EPG5: variants seen among roughly 807,000 people sequenced by gnomAD.
EPG5 encodes ectopic P granules protein 5 homolog.
In EPG5, 159 loss-of-function variants were observed where a neutral mutation model predicts 302.7. The observed-to-expected ratio is 0.53, with a 90% confidence interval of 0.46 to 0.60. The LOEUF is 0.60. Among genes scored for constraint, EPG5 ranks in the 20% least tolerant of loss-of-function variants. The probability of loss-of-function intolerance (pLI) is 0.00; values close to 1 mark genes in which losing one functional copy is unlikely to be tolerated. For missense variants in EPG5, 2,896 were observed against 3,092.4 expected (o/e 0.94, Z 1.51); for synonymous variants, 1,158 against 1,136.8 (o/e 1.02, Z -0.37).
chr18:45,935,011 AC>A, intron 10 of EPG5, 45 bp from the exon 11 acceptor site: 1 of 1,546,968 alleles, frequency 6.5e-7, no homozygotes, highest in Non-Finnish European at 8.7e-7. Context: ...CAGCTTCATT[AC>A]ACTAAGAAAG....
In EPG5 at chr18:45,849,328, G is replaced by A. The variant is rs1438019061; in HGVS notation, c.*3139C>T. On this transcript the variant is annotated 3_prime_UTR_variant, in exon 44 of 44. Transcript: ENST00000282041. Reference sequence around the variant, plus strand: ...TACAGAGCCTGCGGATGGCAGCCTAGGCCTGCCCATCACAGGCTGGACCAC... The same window carrying A: ...TACAGAGCCTGCGGATGGCAGCCTAAGCCTGCCCATCACAGGCTGGACCAC... 6.6e-6 allele frequency: 1 copy of A among 152,332 alleles called. No homozygotes were observed. The highest frequency in any genetic ancestry group is 1.5e-5 in the Non-Finnish European group (1 of 68,166). The allele number at this position is 152,332 out of a possible 1,614,324, so 9.4% of individuals were successfully genotyped here. A position where few individuals can be genotyped will look rare whatever the true frequency, so the allele number is the denominator to read the frequency against.
the EPG5 span, among the ~76,000 whole-genome samples, chr18:45,824,441 T>C: frequency 6.6e-6 from 1 of 152,110 alleles, no homozygotes; most frequent in African/African-American, 2.4e-5. Flanking sequence ...CTCCTGACCT[T>C]GTGATCTGCC....
At chr18:45,939,197 G>T (rs918422992) in intron 10 of EPG5, among the ~76,000 whole-genome samples, 1 of 152,146 alleles carries the variant, frequency 6.6e-6, no homozygotes, top group African/African-American at 2.4e-5. Context: ...AACCCTTACC[G>T]GAAGGCAAAT....
chr18:45,844,638 T>C (rs1000469450), downstream of EPG5, among the ~76,000 whole-genome samples: 4 of 152,180 alleles, frequency 2.6e-5, no homozygotes, highest in South Asian at 2.1e-4. Context: ...CAAGTTATTA[T>C]GCAGGCCAGT....
At chr18:45,816,000 C>G in the EPG5 span, among the ~76,000 whole-genome samples, 2 of 152,130 alleles carry the variant, frequency 1.3e-5, no homozygotes, top group Admixed American at 1.3e-4. Flanking sequence ...CTTACAGCCA[C>G]CTGATCCCTG....
At chr18:45,838,820 C>T in the EPG5 span, 1 of 1,560,700 alleles carries the variant, frequency 6.4e-7, no homozygotes. Context: ...CTCGCCTGGT[C>T]CGGCCCGGCC....
chr18:45,959,174 C>CTA (rs2051093311), intron 1 of EPG5, among the ~76,000 whole-genome samples: 1 of 152,190 alleles, frequency 6.6e-6, no homozygotes, highest in Non-Finnish European at 1.5e-5. Context: ...AAGGTGAACC[C>CTA]CTTGGGCAGT....
intron 26 of EPG5, 77 bp downstream of exon 26, chr18:45,900,919 C>A: frequency 6.7e-7 from 1 of 1,484,194 alleles, no homozygotes; most frequent in Non-Finnish European, 9.2e-7. Flanking sequence ...ACAAGGAAGC[C>A]ACTCCAGGTA....
chr18:45,858,475 G>C, intron 41 of EPG5, 91 bp downstream of exon 41: 1 of 932,662 alleles, frequency 1.1e-6, no homozygotes, highest in Non-Finnish European at 1.7e-6. Context: ...TGCACCTCTT[G>C]GTTCTGTGTA....
chr18:45,927,563 T>C (rs1016310903), intron 13 of EPG5, among the ~76,000 whole-genome samples: 2 of 148,778 alleles, frequency 1.3e-5, no homozygotes, highest in African/African-American at 5.0e-5. Flanking sequence ...CAAGTCCCCA[T>C]CAATGACTGA....
In EPG5 at chr18:45,955,088, T is replaced by G. The variant is rs1348443076; in HGVS notation, c.314A>C (p.Glu105Ala). 2 of 1,613,856 alleles carry G rather than the reference T, an allele frequency of 1.2e-6. No homozygotes were observed. The highest frequency in any genetic ancestry group is 2.7e-5 in the African/African-American group (2 of 74,906). ...CACACAGGGTCTGGCCTCTCCCCCT[T>G]CCTTTGGGGGCTCTGTGTTACACGT... is the stretch of plus-strand genomic sequence containing the variant. ...SLTCNTEPPKEGGEARPCVGD... is the reference protein window; with the variant it reads ...SLTCNTEPPKAGGEARPCVGD... Residue 105 changes from glutamate (E) to alanine (A), a missense_variant, in exon 2 of 44, where the codon GAA becomes GCA. By Grantham distance (107) the Glu-to-Ala change is moderately radical. Around this residue, in one of 5 missense-constraint regions of EPG5, gnomAD observed 1,390 missense variants for 1,430.0 expected, o/e 0.97. Coordinates refer to ENST00000282041, the MANE Select transcript of EPG5 (RefSeq NM_020964.3).
the EPG5 span, among the ~76,000 whole-genome samples, chr18:45,834,059 C>A: frequency 2.0e-5 from 3 of 152,184 alleles, no homozygotes; most frequent in African/African-American, 7.2e-5. Flanking sequence ...GATGTCCACG[C>A]CTTGTGGCTT....
At chr18:45,825,818 C>T in the EPG5 span, 204 of 1,612,602 alleles carry the variant, frequency 1.3e-4, no homozygotes, top group Middle Eastern at 5.0e-4. Context: ...ATGCTCGGGA[C>T]AGAATAGATG....
At position 45,954,850 on chromosome 18, in the gene EPG5, G is replaced by A; in HGVS notation, c.552C>T (p.Gly184=). 2 of 1,614,178 alleles carry A rather than the reference G, an allele frequency of 1.2e-6. No individual in the cohort carries two copies. The highest frequency in any genetic ancestry group is 1.1e-5 in the South Asian group (1 of 91,090). Residue 184 remains glycine, a synonymous_variant, in exon 2 of 44, where the codon GGC becomes GGT. Transcript: ENST00000282041. ...GTGGCACCTCTGAAGAACAAACCAG[G>A]CCTTGTTTGTCTTCTTTACTATTCT... The part of the protein sequence containing the change: ...ETQNSKEDKQ[G]LVCSSEVPQN...
intron 39 of EPG5, among the ~76,000 whole-genome samples, chr18:45,865,247 C>G (rs375601626): frequency 6.6e-6 from 1 of 152,296 alleles, no homozygotes; most frequent in South Asian, 2.1e-4. Context: ...TCTAGTCCAC[C>G]AAACTGCTGG....
At chr18:45,822,604 C>T in the EPG5 span, among the ~76,000 whole-genome samples, 8 of 152,094 alleles carry the variant, frequency 5.3e-5, no homozygotes, top group Admixed American at 3.9e-4. Flanking sequence ...ATGCTAATAG[C>T]CTTGATGTGG....
At chr18:45,921,818 G>T (rs185162154) in intron 16 of EPG5, among the ~76,000 whole-genome samples, 7 of 152,184 alleles carry the variant, frequency 4.6e-5, no homozygotes, top group Non-Finnish European at 1.0e-4. Flanking sequence ...GTCATGGGGT[G>T]GGGGGCTGGG....
At position 45,933,651 on chromosome 18, in the gene EPG5, C is replaced by T. The variant is rs137905682; in HGVS notation, c.2257+1158G>A. Among the ~76,000 whole-genome samples the T allele has an allele frequency of 4.5e-3, 669 of 147,456 alleles. 7 individuals carry two copies. Among genetic ancestry groups the T allele is most frequent in the African/African-American group, 0.016 (631 of 40,236 alleles). ...TGAAGTTGCACCACTGCACTCCAGC[C>T]GGGGCAATGCTCATTCTCAAAAAAA... On this transcript the variant is annotated intron_variant, in intron 11 of 43. Coordinates refer to ENST00000282041, the MANE Select transcript of EPG5 (RefSeq NM_020964.3).
At chr18:45,860,491 G>C (rs916850441) in intron 39 of EPG5, 145 bp from the exon 40 acceptor site, 33 of 1,009,712 alleles carry the variant, frequency 3.3e-5, no homozygotes, top group Admixed American at 6.9e-5. Context: ...TGGAAGGAAG[G>C]CTCTGGATGG....
Sources: gnomAD v4.1 joint callset for allele counts (sites outside exome capture counted in the v4.1 genomes callset) on GRCh38, gnomAD v4.1.1 for gene constraint, gnomAD v4.1.1 regional missense constraint, MANE v1.5 for transcripts, NCBI Gene and HGNC (gene_info 2026-07-23, HGNC 2026-07-21) for gene names.